The following NBAS variants were observed in gnomAD, a reference collection of about 807,000 sequenced individuals.
NBAS encodes the protein NAG/BC035112 fusion.
A neutral mutation model predicts 302.5 loss-of-function variants in NBAS; 219 were observed. That is an observed-to-expected ratio of 0.72 (90% CI 0.65 to 0.81). The LOEUF is 0.81. Among genes scored for constraint, NBAS ranks in the 30% least tolerant of loss-of-function variants. The pLI, the probability that NBAS is intolerant of heterozygous loss-of-function variation, is 0.00. For missense variants in NBAS, 2,932 were observed against 2,841.6 expected, an observed-to-expected ratio of 1.03 and a Z score of -0.72; for synonymous variants, 1,118 against 1,021.6, an observed-to-expected ratio of 1.09 and a Z score of -1.80.
At chr2:15,114,692 G>T in the NBAS span, among the ~76,000 whole-genome samples, 1 of 152,168 alleles carries the variant, frequency 6.6e-6, no homozygotes, top group Non-Finnish European at 1.5e-5. Context: ...GGCTGTGATT[G>T]ACAGGTGCAC....
At chr2:15,034,056 A>AGGG in the NBAS span, among the ~76,000 whole-genome samples, 20 of 93,866 alleles carry the variant, frequency 2.1e-4, no homozygotes, top group East Asian at 5.7e-4. Context: ...GAGGAGGAGG[A>AGGG]GGAGGAGGGG....
chr2:15,180,677 C>T (rs2125120686), intron 50 of NBAS, among the ~76,000 whole-genome samples: 1 of 152,366 alleles, frequency 6.6e-6, no homozygotes, highest in Admixed American at 6.5e-5. Flanking sequence ...TGTATCTGCA[C>T]TGCCCAATAC....
At chr2:15,028,473 A>G in the NBAS span, among the ~76,000 whole-genome samples, 1 of 152,246 alleles carries the variant, frequency 6.6e-6, no homozygotes, top group African/African-American at 2.4e-5. Context: ...GGGCATTATT[A>G]TCTTTTTAAA....
At chr2:15,558,335 G>T (rs186718924) in intron 2 of NBAS, among the ~76,000 whole-genome samples, 2 of 152,258 alleles carry the variant, frequency 1.3e-5, no homozygotes, top group Admixed American at 6.5e-5. Flanking sequence ...ACCTGTTCTA[G>T]AATACATCCA....
chr2:15,137,285 T>C, the NBAS span, among the ~76,000 whole-genome samples: 1 of 152,226 alleles, frequency 6.6e-6, no homozygotes, highest in Non-Finnish European at 1.5e-5. Context: ...TAAAGACATA[T>C]TTAGTATATT....
the NBAS span, among the ~76,000 whole-genome samples, chr2:14,793,941 A>G: frequency 1.8e-4 from 28 of 152,336 alleles, no homozygotes; most frequent in South Asian, 5.0e-3. Context: ...ACTGTGATCT[A>G]TATCTGGAGA....
At chr2:15,085,950 G>A in the NBAS span, among the ~76,000 whole-genome samples, 1 of 152,134 alleles carries the variant, frequency 6.6e-6, no homozygotes, top group Non-Finnish European at 1.5e-5. Context: ...CATGGCATGA[G>A]CATCCTGGGC....
chr2:15,464,348 C>T (rs1679634197), intron 19 of NBAS, among the ~76,000 whole-genome samples: 2 of 151,794 alleles, frequency 1.3e-5, no homozygotes, highest in African/African-American at 2.4e-5. Flanking sequence ...GATGAGAAAT[C>T]CCTCATTTTT....
At chr2:15,317,536 C>T (rs1461616595) in intron 38 of NBAS, among the ~76,000 whole-genome samples, 1 of 152,122 alleles carries the variant, frequency 6.6e-6, no homozygotes, top group African/African-American at 2.4e-5. Context: ...CTAGAATAAA[C>T]AGTGTAGAGA....
At chr2:15,137,416 G>A in the NBAS span, among the ~76,000 whole-genome samples, 1 of 152,064 alleles carries the variant, frequency 6.6e-6, no homozygotes, top group East Asian at 1.9e-4. Flanking sequence ...ACCTTCCCCA[G>A]GTCAAGCAAC....
intron 25 of NBAS, among the ~76,000 whole-genome samples, chr2:15,410,728 T>G (rs924725001): frequency 6.6e-6 from 1 of 152,248 alleles, no homozygotes; most frequent in Non-Finnish European, 1.5e-5. Context: ...AATAATTTAA[T>G]GCCTTTTCAC....
chr2:15,556,605 T>C (rs1211614423), intron 3 of NBAS, among the ~76,000 whole-genome samples, 178 bp downstream of exon 3: 1 of 152,182 alleles, frequency 6.6e-6, no homozygotes, highest in Non-Finnish European at 1.5e-5. Context: ...CTACCCTAAG[T>C]CTACTGAGAT....
chr2:14,930,409 T>G, the NBAS span, among the ~76,000 whole-genome samples: 1 of 152,202 alleles, frequency 6.6e-6, no homozygotes, highest in Non-Finnish European at 1.5e-5. Context: ...TGACTTAGAT[T>G]GAACTGAACT....
At chr2:15,085,614 G>T in the NBAS span, among the ~76,000 whole-genome samples, 1 of 152,180 alleles carries the variant, frequency 6.6e-6, no homozygotes, top group African/African-American at 2.4e-5. Flanking sequence ...GCAGGCAGCA[G>T]CCCTGCCCTC....
At chr2:15,253,179 A>C (rs991536456) in intron 44 of NBAS, among the ~76,000 whole-genome samples, 4 of 152,192 alleles carry the variant, frequency 2.6e-5, no homozygotes, top group Non-Finnish European at 5.9e-5. Context: ...TTCTCACCAA[A>C]AACAGTAGCT....
the NBAS span, among the ~76,000 whole-genome samples, chr2:14,809,341 G>T: frequency 6.1e-4 from 93 of 152,292 alleles, 1 homozygote; most frequent in East Asian, 0.012. Flanking sequence ...TCTGTGGGTT[G>T]GGCCCAAGAT....
intron 47 of NBAS, among the ~76,000 whole-genome samples, chr2:15,221,289 T>C (rs1002887010): frequency 6.6e-6 from 1 of 152,184 alleles, no homozygotes; most frequent in Non-Finnish European, 1.5e-5. Flanking sequence ...TCCCAGGTTA[T>C]ACTGACACAG....
At chr2:15,257,362 T>C (rs921130047) in intron 44 of NBAS, among the ~76,000 whole-genome samples, 3 of 152,096 alleles carry the variant, frequency 2.0e-5, no homozygotes, top group African/African-American at 7.2e-5. Context: ...ATCTTTTGTG[T>C]TTCTGTGGTA....
the NBAS span, among the ~76,000 whole-genome samples, chr2:14,827,663 TA>T: frequency 1.3e-5 from 2 of 152,206 alleles, no homozygotes; most frequent in African/African-American, 4.8e-5. Flanking sequence ...TAGATGAATC[TA>T]GAGAACATTA....
Sources: allele counts gnomAD v4.1 joint callset (sites outside exome capture counted in the v4.1 genomes callset), GRCh38; gene constraint gnomAD v4.1.1; transcripts MANE v1.5; gene names NCBI Gene and HGNC (gene_info 2026-07-23, HGNC 2026-07-21).